The following PLIN3 variants were observed in gnomAD, a reference collection of about 807,000 sequenced individuals.
PLIN3 encodes the protein perilipin-3.
PLIN3 carries 30 observed loss-of-function variants against 35.9 expected under a neutral mutation model. The ratio of observed to expected loss-of-function variants is 0.84; its 90% confidence interval spans 0.62 to 1.13. The LOEUF (loss-of-function observed/expected upper bound fraction) is 1.13, where lower values mean the gene tolerates loss of function less well. Among genes scored for constraint, PLIN3 ranks in the 50% most tolerant of loss-of-function variants. The pLI, the probability that PLIN3 is intolerant of heterozygous loss-of-function variation, is 0.00. For missense variants in PLIN3, 603 were observed against 596.9 expected, an observed-to-expected ratio of 1.01 and a Z score of -0.11; for synonymous variants, 261 against 262.5, an observed-to-expected ratio of 0.99 and a Z score of 0.06.
chr19:4,859,530 G>T, intron 4 of PLIN3, 60 bp downstream of exon 4: 1 of 1,400,456 alleles, frequency 7.1e-7, no homozygotes. Flanking sequence ...TGGGACCAGC[G>T]CACTCCACAC....
At chr19:4,854,385 G>A (rs760833470) in intron 4 of PLIN3, among the ~76,000 whole-genome samples, 1 of 146,904 alleles carries the variant, frequency 6.8e-6, no homozygotes, top group Non-Finnish European at 1.5e-5. Flanking sequence ...AAGAGGGTGT[G>A]AGAGTCAAGT....
chr19:4,863,012 C>T (rs1390153081), intron 1 of PLIN3, among the ~76,000 whole-genome samples: 2 of 151,674 alleles, frequency 1.3e-5, no homozygotes, highest in African/African-American at 2.4e-5. Context: ...CAAACATTAG[C>T]CAGGCATGAT....
intron 5 of PLIN3, among the ~76,000 whole-genome samples, chr19:4,849,623 G>A (rs966809482): frequency 6.6e-6 from 1 of 151,470 alleles, no homozygotes; most frequent in African/African-American, 2.4e-5. Flanking sequence ...GTTCATATGT[G>A]TATATGCATG....
chr19:4,856,705 G>A (rs908578624), intron 4 of PLIN3, among the ~76,000 whole-genome samples: 1 of 126,370 alleles, frequency 7.9e-6, no homozygotes. Flanking sequence ...GAAGGAGGGT[G>A]TTTTTTTTTT....
intron 5 of PLIN3, 91 bp from the exon 6 acceptor site, chr19:4,847,981 G>A: frequency 1.1e-6 from 1 of 904,260 alleles, no homozygotes; most frequent in Non-Finnish European, 1.7e-6. Flanking sequence ...ACACTGTCCA[G>A]TTTATTTATT....
At chr19:4,842,749 T>C (rs1441726100) in intron 7 of PLIN3, among the ~76,000 whole-genome samples, 1 of 151,914 alleles carries the variant, frequency 6.6e-6, no homozygotes, top group Admixed American at 6.6e-5. Flanking sequence ...ATTTGAAAAG[T>C]CATTCTGGCT....
At chr19:4,844,000 C>T (rs2029997452) in intron 7 of PLIN3, among the ~76,000 whole-genome samples, 1 of 152,112 alleles carries the variant, frequency 6.6e-6, no homozygotes, top group Admixed American at 6.6e-5. Flanking sequence ...GACAGAATCT[C>T]CTTCTGTTGC....
intron 1 of PLIN3, among the ~76,000 whole-genome samples, chr19:4,863,852 C>G (rs1370992219): frequency 1.3e-4 from 19 of 149,314 alleles, no homozygotes; most frequent in African/African-American, 2.7e-4. Context: ...GAAAACAAAA[C>G]AAAACAAACA....
intron 2 of PLIN3, among the ~76,000 whole-genome samples, chr19:4,860,347 C>T (rs532031558): frequency 2.6e-5 from 4 of 152,174 alleles, no homozygotes; most frequent in Admixed American, 1.3e-4. Flanking sequence ...GCTGGGATTA[C>T]GGGTGCCACC....
intron 4 of PLIN3, among the ~76,000 whole-genome samples, chr19:4,858,279 A>G (rs1267973115): frequency 6.6e-6 from 1 of 150,682 alleles, no homozygotes; most frequent in Non-Finnish European, 1.5e-5. Flanking sequence ...TCAAAAAAAA[A>G]AAAAAAAAAA....
At chr19:4,852,877 T>C (rs1049973184) in intron 4 of PLIN3, among the ~76,000 whole-genome samples, 1 of 151,448 alleles carries the variant, frequency 6.6e-6, no homozygotes, top group African/African-American at 2.4e-5. Context: ...TGCAATTGTG[T>C]GATCTCGGCT....
intron 4 of PLIN3, among the ~76,000 whole-genome samples, chr19:4,858,316 T>A (rs2146211799): frequency 6.9e-6 from 1 of 145,666 alleles, no homozygotes; most frequent in African/African-American, 2.6e-5. Flanking sequence ...AGAGGCAAAG[T>A]AACTTGTGTG....
intron 1 of PLIN3, among the ~76,000 whole-genome samples, chr19:4,865,546 G>A (rs929587329): frequency 2.6e-5 from 4 of 151,782 alleles, no homozygotes; most frequent in African/African-American, 9.7e-5. Context: ...GCTTTCCTGG[G>A]GAATTCTGGT....
At chr19:4,850,761 G>A (rs1247531629) in intron 5 of PLIN3, among the ~76,000 whole-genome samples, 2 of 151,520 alleles carry the variant, frequency 1.3e-5, no homozygotes, top group Non-Finnish European at 1.5e-5. Flanking sequence ...AGTAGAGACC[G>A]GGTTTCACCA....
At chr19:4,850,984 C>A (rs1038641741) in intron 5 of PLIN3, among the ~76,000 whole-genome samples, 2 of 151,918 alleles carry the variant, frequency 1.3e-5, no homozygotes, top group East Asian at 3.9e-4. Context: ...AGAGGGAGAC[C>A]CCGTCTTTAC....
intron 5 of PLIN3, among the ~76,000 whole-genome samples, chr19:4,849,102 C>G (rs1044910249): frequency 2.0e-5 from 3 of 150,648 alleles, no homozygotes; most frequent in Non-Finnish European, 4.4e-5. Flanking sequence ...GTAGCTGGGA[C>G]TACATAAAGC....
At chr19:4,852,397 C>A in intron 4 of PLIN3, 96 bp from the exon 5 acceptor site, 2 of 1,428,710 alleles carry the variant, frequency 1.4e-6, no homozygotes, top group Admixed American at 2.0e-5. Context: ...AGGCGGGGAG[C>A]GCCATCCCCC....
intron 6 of PLIN3, among the ~76,000 whole-genome samples, chr19:4,845,648 A>G (rs568547226): frequency 4.6e-5 from 7 of 151,444 alleles, no homozygotes; most frequent in South Asian, 4.2e-4. Flanking sequence ...TAGTCGGCCG[A>G]GCGCAGTGGC....
intron 4 of PLIN3, among the ~76,000 whole-genome samples, chr19:4,852,894 A>T (rs1032929751): frequency 4.0e-5 from 6 of 151,596 alleles, no homozygotes; most frequent in Non-Finnish European, 7.4e-5. Context: ...GGCTCACTGT[A>T]ACCTCCGCCT....
Sources: gnomAD v4.1 joint callset for allele counts (sites outside exome capture counted in the v4.1 genomes callset) on GRCh38, gnomAD v4.1.1 for gene constraint, MANE v1.5 for transcripts, NCBI Gene and HGNC (gene_info 2026-07-23, HGNC 2026-07-21) for gene names.